Variants in LRRTM4 observed in about 807,000 individuals in gnomAD.
LRRTM4 encodes leucine rich repeat transmembrane neuronal 4.
LRRTM4 carries 25 observed loss-of-function variants against 47.6 expected under a neutral mutation model. The ratio of observed to expected loss-of-function variants is 0.53; its 90% CI spans 0.38 to 0.73. LRRTM4 has a LOEUF of 0.73. LRRTM4 is among the 30% of genes least tolerant of loss of function. LRRTM4 has a pLI of 0.00. For missense variants in LRRTM4, 638 were observed against 713.4 expected, an observed-to-expected ratio of 0.89 and a Z score of 1.20; for synonymous variants, 311 against 269.5, an observed-to-expected ratio of 1.15 and a Z score of -1.51.
chr2:77,345,881 A>T (rs1671542714), intron 3 of LRRTM4, among the ~76,000 whole-genome samples: 1 of 151,940 alleles, frequency 6.6e-6, no homozygotes, highest in Middle Eastern at 3.4e-3. Context: ...CAAAGAAAAA[A>T]TATATATATT....
At position 77,106,732 on chromosome 2, in the gene LRRTM4, A is replaced by G. The variant is rs530813924; in HGVS notation, c.1552-357816T>C. 4.6e-5 allele frequency among the ~76,000 whole-genome samples: 7 copies of G among 152,176 alleles called. No individual in the cohort carries two copies. The South Asian group carries it at 1.4e-3, about 31-fold the overall frequency. The stretch of plus-strand genomic sequence containing the variant: ...AAAATATATAACAAAATACGTATCT[A>G]TAAGGAAGGGAATTCCAAGAGGCTG... On this transcript the variant is annotated intron_variant, in intron 3 of 3. Transcript: ENST00000409884.
chr2:77,317,463 C>T (rs1405724260), intron 3 of LRRTM4, among the ~76,000 whole-genome samples: 1 of 152,142 alleles, frequency 6.6e-6, no homozygotes, highest in African/African-American at 2.4e-5. Context: ...TTCCTATGAA[C>T]TTTCATTAAC....
chr2:77,328,439 G>A (rs1573260230), intron 3 of LRRTM4, among the ~76,000 whole-genome samples: 1 of 152,240 alleles, frequency 6.6e-6, no homozygotes, highest in East Asian at 1.9e-4. Flanking sequence ...AGTTGAAAAG[G>A]GAGATTTGCA....
intron 3 of LRRTM4, among the ~76,000 whole-genome samples, chr2:77,374,167 G>A (rs1292414823): frequency 1.3e-5 from 2 of 151,788 alleles, no homozygotes; most frequent in Admixed American, 1.3e-4. Flanking sequence ...GCGAAGATGT[G>A]ATATGGGAGG....
chr2:77,245,878 A>C (rs141429293), intron 3 of LRRTM4, among the ~76,000 whole-genome samples: 1 of 152,300 alleles, frequency 6.6e-6, no homozygotes, highest in East Asian at 1.9e-4. Context: ...CACTGGGGCT[A>C]TGAAGCAACA....
intron 3 of LRRTM4, among the ~76,000 whole-genome samples, chr2:76,894,523 C>T (rs996949865): frequency 1.3e-5 from 2 of 152,014 alleles, no homozygotes; most frequent in South Asian, 4.1e-4. Context: ...TAGCCAAAAA[C>T]AACAGGTCAG....
At chr2:76,837,504 C>T (rs953374336) in intron 3 of LRRTM4, among the ~76,000 whole-genome samples, 2 of 152,096 alleles carry the variant, frequency 1.3e-5, no homozygotes, top group Non-Finnish European at 2.9e-5. Context: ...CCTGCTTTCT[C>T]TTGTGGGCAT....
At chr2:76,881,816 A>G (rs923734085) in intron 3 of LRRTM4, among the ~76,000 whole-genome samples, 4 of 152,038 alleles carry the variant, frequency 2.6e-5, no homozygotes, top group Non-Finnish European at 4.4e-5. Flanking sequence ...TTGAAGTATT[A>G]TAATGTTTGA....
At chr2:77,267,827 G>A (rs7563141) in intron 3 of LRRTM4, among the ~76,000 whole-genome samples, 1 of 139,570 alleles carries the variant, frequency 7.2e-6, no homozygotes, top group Non-Finnish European at 1.6e-5. Context: ...AATGAGAAAA[G>A]GTCTTAGTAT....
chr2:76,871,752 G>GT (rs761524019), intron 3 of LRRTM4, among the ~76,000 whole-genome samples: 3 of 152,064 alleles, frequency 2.0e-5, no homozygotes, highest in Non-Finnish European at 4.4e-5. Flanking sequence ...TGTGACTTTT[G>GT]TTTTTTCTGA....
chr2:77,388,848 T>C (rs758812351), intron 3 of LRRTM4, among the ~76,000 whole-genome samples: 2 of 152,032 alleles, frequency 1.3e-5, no homozygotes, highest in Non-Finnish European at 2.9e-5. Flanking sequence ...TGCATAAATA[T>C]ATATATTCTT....
At position 77,414,552 on chromosome 2, in the gene LRRTM4, C is replaced by A. The variant is rs552332735; in HGVS notation, c.1551+103766G>T. On this transcript the variant is annotated intron_variant, in intron 3 of 3. Transcript: ENST00000409884. ...TTTAATTATTTGCCAACCACAGACA[C>A]TACCAGCAACAGAAGCAATTAGATA... Among the ~76,000 whole-genome samples, 114 of 152,292 alleles carry A rather than the reference C, an allele frequency of 7.5e-4. 1 individual carries two copies. The highest frequency in any genetic ancestry group is 2.7e-3 in the African/African-American group (113 of 41,552).
rs529040853 is a variant in LRRTM4 at position 76,910,240 on chromosome 2, G to A, written c.1552-161324C>T. On this transcript the variant is annotated intron_variant, in intron 3 of 3. Coordinates refer to ENST00000409884, the MANE Select transcript of LRRTM4 (RefSeq NM_001134745.3). Reference sequence around the variant, plus strand: ...AAATCATCATTCTCAGCAAACTATCGGAAGAACAAAAAACCAAACACTGCA... The same window carrying A: ...AAATCATCATTCTCAGCAAACTATCAGAAGAACAAAAAACCAAACACTGCA... Among the ~76,000 whole-genome samples the A allele has an allele frequency of 2.3e-3, 350 of 151,168 alleles. 6 individuals carry two copies. Among genetic ancestry groups the A allele is most frequent in the African/African-American group, 7.6e-3 (313 of 41,212 alleles).
At chr2:76,812,720 TTCTCTTTTTCTC>T (rs1670774658) in intron 3 of LRRTM4, among the ~76,000 whole-genome samples, 2 of 132,324 alleles carry the variant, frequency 1.5e-5, no homozygotes, top group Admixed American at 1.6e-4. Context: ...TTCTTTTTCT[TTCTCTTTTTCTC>T]CTCCTCCTCC....
intron 3 of LRRTM4, among the ~76,000 whole-genome samples, chr2:77,078,832 G>C (rs1680434862): frequency 6.6e-6 from 1 of 152,164 alleles, no homozygotes; most frequent in South Asian, 2.1e-4. Context: ...CTGAGTAGCT[G>C]ATTAACAATA....
intron 3 of LRRTM4, among the ~76,000 whole-genome samples, chr2:76,790,071 T>C (rs1463612865): frequency 6.6e-6 from 1 of 152,172 alleles, no homozygotes; most frequent in African/African-American, 2.4e-5. Context: ...CCCTTCATCT[T>C]TTCACCACTG....
chr2:77,417,961 C>T (rs1053234659), intron 3 of LRRTM4, among the ~76,000 whole-genome samples: 1 of 151,900 alleles, frequency 6.6e-6, no homozygotes, highest in Admixed American at 6.6e-5. Flanking sequence ...AATAATAGTT[C>T]CCAAAAGAGA....
At chr2:77,040,142 G>A (rs1270565713) in intron 3 of LRRTM4, among the ~76,000 whole-genome samples, 4 of 151,026 alleles carry the variant, frequency 2.6e-5, no homozygotes, top group Admixed American at 2.0e-4. Flanking sequence ...CCAAATCCAT[G>A]AATCCATATA....
intron 3 of LRRTM4, among the ~76,000 whole-genome samples, chr2:76,926,406 C>T (rs1056011230): frequency 6.6e-6 from 1 of 152,122 alleles, no homozygotes; most frequent in African/African-American, 2.4e-5. Flanking sequence ...TTCTCTAGGT[C>T]TCATCCTCTA....
Sources: allele counts gnomAD v4.1 joint callset (sites outside exome capture counted in the v4.1 genomes callset), GRCh38; gene constraint gnomAD v4.1.1; transcripts MANE v1.5; gene names NCBI Gene and HGNC (gene_info 2026-07-23, HGNC 2026-07-21).